Variants in CSMD1 observed in about 807,000 individuals in gnomAD.
CSMD1 encodes CUB and sushi domain-containing protein 1.
A neutral mutation model predicts 417.5 loss-of-function variants in CSMD1; 213 were observed. The observed-to-expected ratio is 0.51, with a 90% CI of 0.46 to 0.57. The LOEUF is 0.57. Ranked by LOEUF, CSMD1 falls within the 20% of genes least tolerant of loss-of-function variation. The pLI is 0.00. For synonymous variants in CSMD1, 2,862 were observed against 1,736.8 expected, an observed-to-expected ratio of 1.65 and a Z score of -16.11; for missense variants, 6,923 against 4,529.7, an observed-to-expected ratio of 1.53 and a Z score of -15.17.
At chr8:3,823,314 T>G (rs1801848846) in intron 5 of CSMD1, among the ~76,000 whole-genome samples, 1 of 152,204 alleles carries the variant, frequency 6.6e-6, no homozygotes, top group South Asian at 2.1e-4. Flanking sequence ...AACCATCTTC[T>G]GGGTGCATGT....
At chr8:4,584,288 C>A (rs1359497560) in intron 2 of CSMD1, among the ~76,000 whole-genome samples, 1 of 151,966 alleles carries the variant, frequency 6.6e-6, no homozygotes, top group Non-Finnish European at 1.5e-5. Context: ...AGCAGTGAGA[C>A]AATCGCCGAG....
chr8:4,215,605 A>G (rs1027629434), intron 3 of CSMD1, among the ~76,000 whole-genome samples: 1 of 152,218 alleles, frequency 6.6e-6, no homozygotes, highest in African/African-American at 2.4e-5. Context: ...AAATATGCAA[A>G]AACATGTTTA....
chr8:4,924,991 A>T (rs1359915883), intron 1 of CSMD1, among the ~76,000 whole-genome samples: 1 of 152,086 alleles, frequency 6.6e-6, no homozygotes, highest in Non-Finnish European at 1.5e-5. Flanking sequence ...TACATTGCAT[A>T]AATACCTCCA....
At chr8:4,349,557 T>A (rs916277214) in intron 3 of CSMD1, among the ~76,000 whole-genome samples, 2 of 152,162 alleles carry the variant, frequency 1.3e-5, no homozygotes. Context: ...TTTTTTATAT[T>A]AGGTGACATA....
At chr8:4,037,243 G>C (rs751935439) in intron 3 of CSMD1, among the ~76,000 whole-genome samples, 1 of 152,120 alleles carries the variant, frequency 6.6e-6, no homozygotes. Context: ...ATATGACATA[G>C]GAACTTTACT....
intron 25 of CSMD1, among the ~76,000 whole-genome samples, chr8:3,298,730 A>G (rs1202191504): frequency 1.3e-5 from 2 of 152,250 alleles, no homozygotes; most frequent in Non-Finnish European, 2.9e-5. Context: ...CTAGGATTAC[A>G]GGCGTAAGCC....
At chr8:3,958,929 C>G (rs913575687) in intron 5 of CSMD1, among the ~76,000 whole-genome samples, 4 of 152,136 alleles carry the variant, frequency 2.6e-5, no homozygotes, top group Admixed American at 1.3e-4. Context: ...ATTTGTGCAA[C>G]TCACATTTTT....
chr8:3,481,154 CAAAAAAAAAAA>C (rs1221192557), intron 11 of CSMD1, among the ~76,000 whole-genome samples: 1 of 69,444 alleles, frequency 1.4e-5, no homozygotes, highest in African/African-American at 5.2e-5. Flanking sequence ...GACTCCATCT[CAAAAAAAAAAA>C]AAAAAAAAAA....
At chr8:4,856,057 G>A (rs529677022) in intron 1 of CSMD1, among the ~76,000 whole-genome samples, 54 of 152,296 alleles carry the variant, frequency 3.5e-4, no homozygotes, top group African/African-American at 1.3e-3. Flanking sequence ...CAGAGTAACA[G>A]CGGATCTCTC....
At chr8:4,439,920 G>A (rs983323487) in intron 2 of CSMD1, among the ~76,000 whole-genome samples, 2 of 152,114 alleles carry the variant, frequency 1.3e-5, no homozygotes, top group Admixed American at 6.5e-5. Context: ...GCTTAATAAG[G>A]AGTAATAATA....
chr8:4,628,799 C>G (rs2616990), intron 2 of CSMD1, among the ~76,000 whole-genome samples: 126,797 of 151,982 alleles, frequency 0.83, 53,033 homozygotes, highest in Admixed American at 0.89. Flanking sequence ...TCACTACAAC[C>G]TGTTAAAATT....
At chr8:3,637,588 T>C (rs1309753096) in intron 7 of CSMD1, among the ~76,000 whole-genome samples, 1 of 152,196 alleles carries the variant, frequency 6.6e-6, no homozygotes, top group Non-Finnish European at 1.5e-5. Flanking sequence ...AAATATTGAC[T>C]ACTATTTTGT....
intron 10 of CSMD1, among the ~76,000 whole-genome samples, chr8:3,528,272 T>G (rs916931178): frequency 2.6e-5 from 4 of 152,220 alleles, no homozygotes; most frequent in Non-Finnish European, 5.9e-5. Flanking sequence ...AATCACCAGG[T>G]TCTTGTATGC....
At chr8:4,750,057 A>G (rs1811203074) in intron 1 of CSMD1, among the ~76,000 whole-genome samples, 1 of 150,512 alleles carries the variant, frequency 6.6e-6, no homozygotes, top group African/African-American at 2.4e-5. Flanking sequence ...CCCAGGCTGG[A>G]GTGCAGTGGG....
chr8:4,052,918 C>A (rs1332289758), intron 3 of CSMD1, among the ~76,000 whole-genome samples: 1 of 152,072 alleles, frequency 6.6e-6, no homozygotes. Flanking sequence ...CTGAACTAGG[C>A]GCAGAGAGAA....
At chr8:3,117,630 A>C (rs1385280732) in intron 42 of CSMD1, among the ~76,000 whole-genome samples, 1 of 152,204 alleles carries the variant, frequency 6.6e-6, no homozygotes, top group African/African-American at 2.4e-5. Flanking sequence ...GGATCTATTT[A>C]TTTTAATTAG....
intron 7 of CSMD1, among the ~76,000 whole-genome samples, chr8:3,675,234 G>A (rs1489539617): frequency 1.3e-5 from 2 of 152,090 alleles, no homozygotes; most frequent in East Asian, 1.9e-4. Flanking sequence ...TGCAGCACCT[G>A]TTGGTCTTCA....
intron 1 of CSMD1, among the ~76,000 whole-genome samples, chr8:4,939,593 T>C (rs758377498): frequency 2.6e-5 from 4 of 152,126 alleles, no homozygotes; most frequent in Admixed American, 6.5e-5. Context: ...TCTAAAATAG[T>C]TGAACTCAAT....
chr8:3,690,432 G>C (rs2101116), intron 7 of CSMD1, among the ~76,000 whole-genome samples: 2 of 152,078 alleles, frequency 1.3e-5, no homozygotes, highest in South Asian at 4.1e-4. Flanking sequence ...AATTTCTTCT[G>C]TATGTGGGTA....
Sources: allele counts gnomAD v4.1 joint callset (sites outside exome capture counted in the v4.1 genomes callset), GRCh38; gene constraint gnomAD v4.1.1; transcripts MANE v1.5; gene names NCBI Gene and HGNC (gene_info 2026-07-23, HGNC 2026-07-21).